KNCN: variants seen among roughly 807,000 people sequenced by gnomAD.
KNCN encodes kinocilin.
A neutral mutation model predicts 10.4 loss-of-function variants in KNCN; 11 were observed. The observed-to-expected ratio is 1.06, with a 90% CI of 0.67 to 1.75. The LOEUF (loss-of-function observed/expected upper bound fraction) is 1.75. KNCN is among the 40% of genes most tolerant of loss of function. The probability of loss-of-function intolerance (pLI) is 0.00; values close to 1 mark genes in which losing one functional copy is unlikely to be tolerated. For synonymous variants in KNCN, 67 were observed against 71.6 expected, an observed-to-expected ratio of 0.94 and a Z score of 0.33; for missense variants, 172 against 167.1, an observed-to-expected ratio of 1.03 and a Z score of -0.16.
rs1300653956 is a variant in KNCN at position 46,546,009 on chromosome 1, G to C, written c.*1721C>G. On this transcript the variant is annotated 3_prime_UTR_variant, in exon 4 of 4. Coordinates refer to ENST00000481882, the MANE Select transcript of KNCN (RefSeq NM_001322255.2). ...GAGGGCAGTTCAAAGAGAGGAAGTTGCTTCTCTCAGCTGAAGGAAACGAAG... is the reference window on the plus strand; with the variant it reads ...GAGGGCAGTTCAAAGAGAGGAAGTTCCTTCTCTCAGCTGAAGGAAACGAAG... 1 of 152,268 alleles carries C rather than the reference G, an allele frequency of 6.6e-6. No homozygotes were observed. Among genetic ancestry groups the C allele is most frequent in the Non-Finnish European group, 1.5e-5 (1 of 68,086 alleles). The allele number at this position is 152,268 out of a possible 1,614,324, so 9.4% of individuals were successfully genotyped here.
intron 3 of KNCN, among the ~76,000 whole-genome samples, chr1:46,548,795 C>T (rs1020943359): frequency 2.0e-5 from 3 of 152,152 alleles, no homozygotes; most frequent in Admixed American, 6.5e-5. Context: ...TTCGGCATGC[C>T]GCTCAAGGCT....
At chr1:46,549,412 G>A in intron 2 of KNCN, 145 bp from the exon 3 acceptor site, 1 of 606,858 alleles carries the variant, frequency 1.6e-6, no homozygotes, top group Admixed American at 3.2e-5. Flanking sequence ...GGTCTCACAT[G>A]ATCTGGGCTG....
chr1:46,549,734 G>T, intron 2 of KNCN, 200 bp downstream of exon 2: 1 of 943,812 alleles, frequency 1.1e-6, no homozygotes, highest in Non-Finnish European at 1.6e-6. Context: ...AGGCACCTTT[G>T]CTGCAGGCTG....
intron 1 of KNCN, 146 bp downstream of exon 1, chr1:46,550,919 T>A (rs1667053463): frequency 2.8e-6 from 2 of 721,884 alleles, no homozygotes; most frequent in Non-Finnish European, 4.4e-6. Flanking sequence ...GTGCCCCTGA[T>A]GGCGGCCTTG....
At chr1:46,549,909 T>C (rs1233431435) in intron 2 of KNCN, 25 bp downstream of exon 2, 6 of 1,550,438 alleles carry the variant, frequency 3.9e-6, no homozygotes, top group Non-Finnish European at 4.4e-6. Flanking sequence ...CAGAGGGGTC[T>C]GCTGGGGTCA....
rs1174389624 is a variant in KNCN, at chr1:46,547,449, CAGAA to C, written c.*277_*280del. The C allele has an allele frequency of 1.5e-6, 1 of 660,992 alleles. No homozygotes were observed. Among genetic ancestry groups the C allele is most frequent in the African/African-American group, 1.8e-5 (1 of 56,324 alleles). The allele number at this position is 660,992 out of a possible 1,614,324, so 40.9% of individuals were successfully genotyped here. On this transcript the variant is annotated 3_prime_UTR_variant, in exon 4 of 4. Coordinates refer to ENST00000481882, the MANE Select transcript of KNCN (RefSeq NM_001322255.2). ...CAGGCAACAAAGCTGAGCTGCAGTC[CAGAA>C]AGAAAGGCCAGGGCAGGAGCCTGAA... is the stretch of plus-strand genomic sequence containing the variant.
chr1:46,547,766 C>T lies in KNCN; in HGVS notation c.339G>A (p.Lys113=), dbSNP rs1430835764. 6.8e-7 allele frequency: 1 copy of T among 1,479,520 alleles called. No individual in the cohort carries two copies. The highest frequency in any genetic ancestry group is 9.0e-7 in the Non-Finnish European group (1 of 1,115,920). The allele number at this position is 1,479,520 out of a possible 1,614,324, so 91.6% of individuals were successfully genotyped here. ...CAGCCCCCCGGGTCCCCGGCTTCAG[C>T]TTCTCCAGGGTCCTGCTCACGGTGG... The part of the protein sequence containing the change: ...SLSTVSRTLE[K]LKPGTRGAEE... Residue 113 remains lysine, a synonymous_variant, in exon 4 of 4, where the codon AAG becomes AAA. Transcript: ENST00000481882.
Position 46,546,314 on chromosome 1 carries a change from G to C in KNCN, c.*1416C>G, listed in dbSNP as rs963272479. 3 of 152,222 alleles carry C rather than the reference G, an allele frequency of 2.0e-5. No homozygotes were observed. The highest frequency in any genetic ancestry group is 7.2e-5 in the African/African-American group (3 of 41,452). The allele number at this position is 152,222 out of a possible 1,614,324, so 9.4% of individuals were successfully genotyped here. A position where few individuals can be genotyped will look rare whatever the true frequency, so the allele number is the denominator to read the frequency against. On this transcript the variant is annotated 3_prime_UTR_variant, in exon 4 of 4. Coordinates refer to ENST00000481882, the MANE Select transcript of KNCN (RefSeq NM_001322255.2). Reference sequence around the variant, plus strand: ...CCAACATCCACTGGGGTGTCGTCTGGGTGCCTGGCCCTCTGCTCCCACTCT... The same window carrying C: ...CCAACATCCACTGGGGTGTCGTCTGCGTGCCTGGCCCTCTGCTCCCACTCT...
chr1:46,547,403 GAAAC>G lies in KNCN; in HGVS notation c.*323_*326del, dbSNP rs1158220673. ...AGGGCCTTGGACCCCAAATTCCAGA[GAAAC>G]AAATCAGTAGATTGAACAGGCAACA... On this transcript the variant is annotated 3_prime_UTR_variant, in exon 4 of 4. Transcript: ENST00000481882. 1 of 552,688 alleles carries G rather than the reference GAAAC, an allele frequency of 1.8e-6. No individual in the cohort carries two copies. The highest frequency in any genetic ancestry group is 1.9e-5 in the African/African-American group (1 of 53,582). 34.2% of individuals were successfully genotyped at this position (552,688 alleles called of 1,614,324 possible).
intron 1 of KNCN, among the ~76,000 whole-genome samples, chr1:46,550,424 C>T (rs1343265484): frequency 3.3e-5 from 5 of 152,138 alleles, no homozygotes; most frequent in Admixed American, 1.3e-4. Context: ...CTGCCTTGCC[C>T]GCCCCCGCTC....
chr1:46,550,730 G>T (rs542906128), intron 1 of KNCN, among the ~76,000 whole-genome samples: 1 of 152,064 alleles, frequency 6.6e-6, no homozygotes, highest in Non-Finnish European at 1.5e-5. Context: ...TTTACCTGCC[G>T]CCATCAACCC....
chr1:46,551,223 C>G lies in KNCN; in HGVS notation c.-8G>C. On this transcript the variant is annotated 5_prime_UTR_variant, in exon 1 of 4. Coordinates refer to ENST00000481882, the MANE Select transcript of KNCN (RefSeq NM_001322255.2). The surrounding 1 kb of genome is among the most constrained non-coding windows in gnomAD (Gnocchi z 4.0). ...GCTGATGGGGATGTCCATGCAGGCCCACCCGGGGCACTGCCTCCAGCCGGT... is the reference window on the plus strand; with the variant it reads ...GCTGATGGGGATGTCCATGCAGGCCGACCCGGGGCACTGCCTCCAGCCGGT... 6.2e-7 allele frequency: 1 copy of G among 1,602,184 alleles called. No individual in the cohort carries two copies. The highest frequency in any genetic ancestry group is 8.5e-7 in the Non-Finnish European group (1 of 1,175,200).
chr1:46,550,970 T>C (rs1225463278), intron 1 of KNCN, 95 bp downstream of exon 1: 1 of 1,222,678 alleles, frequency 8.2e-7, no homozygotes, highest in African/African-American at 1.6e-5. Flanking sequence ...TGATTCCTGC[T>C]GACCCAGCCC....
At chr1:46,550,321 G>A (rs906894682) in intron 1 of KNCN, among the ~76,000 whole-genome samples, 3 of 152,074 alleles carry the variant, frequency 2.0e-5, no homozygotes, top group South Asian at 2.1e-4. Flanking sequence ...CTGTCCCCAC[G>A]CTTCCCCAGG....
intron 1 of KNCN, among the ~76,000 whole-genome samples, chr1:46,550,667 T>C (rs1200058392): frequency 6.6e-6 from 1 of 152,020 alleles, no homozygotes; most frequent in Non-Finnish European, 1.5e-5. Context: ...ACGAAACCCT[T>C]TTTCTGAGCT....
At chr1:46,549,641 G>A in intron 2 of KNCN, 3 of 565,128 alleles carry the variant, frequency 5.3e-6, no homozygotes, top group East Asian at 2.9e-5. Flanking sequence ...GGGATGGAGA[G>A]GGAGTTATTT....
At chr1:46,549,051 G>C in intron 3 of KNCN, 142 bp downstream of exon 3, 4 of 612,002 alleles carry the variant, frequency 6.5e-6, no homozygotes, top group Non-Finnish European at 1.1e-5. Flanking sequence ...TGAGGCAGGA[G>C]AATTGCTTGA....
rs989820398 is a variant in KNCN, at chr1:46,547,266, C to A, written c.*464G>T. 3 of 389,786 alleles carry A rather than the reference C, an allele frequency of 7.7e-6. No individual in the cohort carries two copies. The highest frequency in any genetic ancestry group is 1.5e-5 in the Non-Finnish European group (3 of 197,848). 24.1% of individuals were successfully genotyped at this position (389,786 alleles called of 1,614,324 possible). A position where few individuals can be genotyped will look rare whatever the true frequency, so the allele number is the denominator to read the frequency against. On this transcript the variant is annotated 3_prime_UTR_variant, in exon 4 of 4. Transcript: ENST00000481882. ...TCTATTGGGCTAGTGAGCTCTAGAGCCCCTGGGCTAGACCGTGGGGGTGGA... is the reference window on the plus strand; with the variant it reads ...TCTATTGGGCTAGTGAGCTCTAGAGACCCTGGGCTAGACCGTGGGGGTGGA...
chr1:46,549,729 C>T, intron 2 of KNCN: 1 of 895,290 alleles, frequency 1.1e-6, no homozygotes, highest in Non-Finnish European at 1.7e-6. Flanking sequence ...GGTTCAGGCA[C>T]CTTTGCTGCA....
Sources: gnomAD v4.1 joint callset for allele counts (sites outside exome capture counted in the v4.1 genomes callset) on GRCh38, gnomAD v4.1.1 for gene constraint, Gnocchi (gnomAD v3.1) non-coding constraint, MANE v1.5 for transcripts, NCBI Gene and HGNC (gene_info 2026-07-23, HGNC 2026-07-21) for gene names.